The following DYNLRB1 variants were observed in gnomAD, a reference collection of about 807,000 sequenced individuals.
The protein encoded by DYNLRB1 is ROBL/LC7-like 1.
A neutral mutation model predicts 13.5 loss-of-function variants in DYNLRB1; 6 were observed. That is an observed-to-expected ratio of 0.44 (90% CI 0.24 to 0.88). DYNLRB1 has a LOEUF of 0.88. DYNLRB1 is among the 40% of genes least tolerant of loss of function. DYNLRB1 has a pLI of 0.21. For synonymous variants in DYNLRB1, 43 were observed against 45.0 expected (o/e 0.96, Z 0.18); for missense variants, 93 against 127.2 (o/e 0.73, Z 1.29).
chr20:34,536,150 A>G (rs1981127036), intron 3 of DYNLRB1: 1 of 985,338 alleles, frequency 1.0e-6, no homozygotes, highest in African/African-American at 1.7e-5. Flanking sequence ...TATTATTCCA[A>G]AATCACGCTT....
chr20:34,526,485 C>CTGTTTTTTT (rs1980228920), intron 2 of DYNLRB1, 142 bp downstream of exon 2: 1 of 215,958 alleles, frequency 4.6e-6, no homozygotes, highest in Non-Finnish European at 8.1e-6. Context: ...CTCCAGTGTT[C>CTGTTTTTTT]TTTTTTTTTT....
chr20:34,539,085 A>G (rs969042725), intron 3 of DYNLRB1, among the ~76,000 whole-genome samples: 4 of 152,224 alleles, frequency 2.6e-5, no homozygotes, highest in African/African-American at 9.6e-5. Flanking sequence ...AAAATCACTA[A>G]TGAAAACAAA....
chr20:34,530,240 T>C, intron 2 of DYNLRB1: 1 of 1,071,942 alleles, frequency 9.3e-7, no homozygotes, highest in Non-Finnish European at 1.1e-6. Context: ...TACTAGTGAG[T>C]GCTGCTTTTT....
chr20:34,526,482 GTTCT>G (rs1312109473), intron 2 of DYNLRB1, 139 bp downstream of exon 2: 5 of 267,118 alleles, frequency 1.9e-5, no homozygotes, highest in African/African-American at 9.9e-5. Flanking sequence ...CACCTCCAGT[GTTCT>G]TTTTTTTTTT....
At chr20:34,529,742 A>G in intron 2 of DYNLRB1, 1 of 1,127,480 alleles carries the variant, frequency 8.9e-7, no homozygotes, top group Non-Finnish European at 1.1e-6. Context: ...AAAAAAAAAA[A>G]AAATGTTGAT....
At chr20:34,526,427 G>T in intron 2 of DYNLRB1, 84 bp downstream of exon 2, 1 of 1,296,062 alleles carries the variant, frequency 7.7e-7, no homozygotes, top group Non-Finnish European at 1.1e-6. Context: ...TGTTCACTAA[G>T]CCCTTCATGA....
At chr20:34,522,199 G>T (rs1271991685) in intron 1 of DYNLRB1, among the ~76,000 whole-genome samples, 2 of 152,084 alleles carry the variant, frequency 1.3e-5, no homozygotes, top group Non-Finnish European at 2.9e-5. Context: ...CTCCTCAGTT[G>T]TGGTCACCAG....
intron 3 of DYNLRB1, 26 bp from the exon 4 acceptor site, chr20:34,540,554 AT>A (rs752265935): frequency 5.0e-6 from 8 of 1,600,702 alleles, no homozygotes; most frequent in South Asian, 1.1e-5. Context: ...ACATTTAGTG[AT>A]TTTTTTTCAT....
At chr20:34,530,401 T>C in intron 2 of DYNLRB1, 1 of 588,052 alleles carries the variant, frequency 1.7e-6, no homozygotes, top group Non-Finnish European at 2.1e-6. Flanking sequence ...ATTTGTAAAA[T>C]GTGGGTCATA....
intron 3 of DYNLRB1, among the ~76,000 whole-genome samples, chr20:34,539,092 C>T (rs1159542521): frequency 6.6e-6 from 1 of 152,116 alleles, no homozygotes; most frequent in Non-Finnish European, 1.5e-5. Flanking sequence ...CTAATGAAAA[C>T]AAATAATTAA....
chr20:34,527,803 C>G (rs1236332506), intron 2 of DYNLRB1, among the ~76,000 whole-genome samples: 1 of 152,170 alleles, frequency 6.6e-6, no homozygotes, highest in Non-Finnish European at 1.5e-5. Flanking sequence ...GTTCTGTCTC[C>G]TTCCGAAGGC....
intron 2 of DYNLRB1, among the ~76,000 whole-genome samples, chr20:34,532,115 T>A (rs1980759780): frequency 6.6e-6 from 1 of 152,140 alleles, no homozygotes; most frequent in Non-Finnish European, 1.5e-5. Flanking sequence ...GTGGGCTGTG[T>A]TTTAGCAAGG....
chr20:34,516,215 A>T (rs1979149849), upstream of DYNLRB1, among the ~76,000 whole-genome samples: 2 of 152,258 alleles, frequency 1.3e-5, no homozygotes, highest in African/African-American at 2.4e-5. Flanking sequence ...TCTTTTCTGC[A>T]CGGCTGGAGT....
intron 3 of DYNLRB1, chr20:34,535,984 G>A: frequency 1.0e-6 from 1 of 985,312 alleles, no homozygotes; most frequent in Non-Finnish European, 1.2e-6. Context: ...CCCTGCAGCA[G>A]ACCAGCATAG....
chr20:34,537,823 C>G (rs148162630), intron 3 of DYNLRB1, among the ~76,000 whole-genome samples: 1 of 152,068 alleles, frequency 6.6e-6, no homozygotes, highest in South Asian at 2.1e-4. Context: ...CAGCCTGGCC[C>G]GGGAGGGAGA....
intron 2 of DYNLRB1, 142 bp downstream of exon 2, chr20:34,526,485 CTTT>C (rs386393667): frequency 0.01 from 2,434 of 237,606 alleles, no homozygotes; most frequent in South Asian, 0.019. Context: ...CTCCAGTGTT[CTTT>C]TTTTTTTTTT....
At chr20:34,537,453 C>A (rs1480856667) in intron 3 of DYNLRB1, among the ~76,000 whole-genome samples, 1 of 152,106 alleles carries the variant, frequency 6.6e-6, no homozygotes, top group African/African-American at 2.4e-5. Context: ...AAATGAATGA[C>A]TCTGTAAACC....
At chr20:34,535,756 T>A in intron 3 of DYNLRB1, 1 of 985,166 alleles carries the variant, frequency 1.0e-6, no homozygotes, top group Non-Finnish European at 1.2e-6. Flanking sequence ...GAGGCTTTGG[T>A]CCAGTTTAGA....
chr20:34,535,891 A>G (rs1981105606), intron 3 of DYNLRB1: 1 of 985,220 alleles, frequency 1.0e-6, no homozygotes, highest in Admixed American at 6.2e-5. Flanking sequence ...GTCTGGGGAC[A>G]CTGAATGCTC....
Sources: gnomAD v4.1 joint callset for allele counts (sites outside exome capture counted in the v4.1 genomes callset) on GRCh38, gnomAD v4.1.1 for gene constraint, MANE v1.5 for transcripts, NCBI Gene and HGNC (gene_info 2026-07-23, HGNC 2026-07-21) for gene names.